ANKRD31: variants seen among roughly 807,000 people sequenced by gnomAD.
The protein encoded by ANKRD31 is ankyrin repeat domain 31.
ANKRD31 carries 147 observed loss-of-function variants against 186.0 expected under a neutral mutation model. The observed-to-expected ratio is 0.79, with a 90% CI of 0.69 to 0.91. The LOEUF is 0.91. Ranked by LOEUF, ANKRD31 falls within the 40% of genes least tolerant of loss-of-function variation. ANKRD31 has a pLI of 0.00. For synonymous variants in ANKRD31, 673 were observed against 736.4 expected (o/e 0.91, Z 1.39); for missense variants, 1,986 against 2,148.8 (o/e 0.92, Z 1.50).
At chr5:75,068,694 A>G (rs1561386629) in intron 25 of ANKRD31, 30 bp from the exon 26 acceptor site, 3 of 1,458,486 alleles carry the variant, frequency 2.1e-6, no homozygotes, top group Non-Finnish European at 2.7e-6. Flanking sequence ...CAAATTAAAA[A>G]CTGCCCTCTG....
chr5:75,085,771 C>T (rs953700282), intron 23 of ANKRD31, among the ~76,000 whole-genome samples: 5 of 152,144 alleles, frequency 3.3e-5, no homozygotes, highest in Non-Finnish European at 7.3e-5. Context: ...AAAAAAAGTG[C>T]CTCCAGCTTA....
At chr5:75,095,334 T>C (rs1032378229) in intron 22 of ANKRD31, among the ~76,000 whole-genome samples, 1 of 151,164 alleles carries the variant, frequency 6.6e-6, no homozygotes, top group African/African-American at 2.4e-5. Context: ...ATTATCCAGG[T>C]GTGGTGGCGG....
intron 22 of ANKRD31, among the ~76,000 whole-genome samples, chr5:75,092,105 C>A (rs1165117238): frequency 6.6e-6 from 1 of 152,192 alleles, no homozygotes; most frequent in East Asian, 1.9e-4. Flanking sequence ...AGAAGAGAAG[C>A]AAGGCTTAGA....
At chr5:75,153,531 G>T (rs1751972365) in intron 12 of ANKRD31, among the ~76,000 whole-genome samples, 1 of 151,990 alleles carries the variant, frequency 6.6e-6, no homozygotes, top group African/African-American at 2.4e-5. Context: ...GAGTAATGGT[G>T]GTAGAAAGTA....
chr5:75,077,838 T>G (rs188256939), intron 25 of ANKRD31, among the ~76,000 whole-genome samples: 1 of 140,890 alleles, frequency 7.1e-6, no homozygotes, highest in Non-Finnish European at 1.5e-5. Flanking sequence ...GGCAGGAGAG[T>G]GGCATGAACC....
intron 5 of ANKRD31, among the ~76,000 whole-genome samples, chr5:75,204,497 T>C (rs1295097231): frequency 6.6e-6 from 1 of 152,262 alleles, no homozygotes; most frequent in Non-Finnish European, 1.5e-5. Flanking sequence ...CAAAAGCTTT[T>C]CTCTTGTCAT....
chr5:75,091,555 G>C (rs1745922653), intron 22 of ANKRD31, among the ~76,000 whole-genome samples, 154 bp from the exon 23 acceptor site: 1 of 152,050 alleles, frequency 6.6e-6, no homozygotes, highest in Non-Finnish European at 1.5e-5. Flanking sequence ...ATGGTCATAA[G>C]GGCATGCAGC....
intron 22 of ANKRD31, among the ~76,000 whole-genome samples, chr5:75,098,936 T>C (rs1199920317): frequency 2.0e-5 from 3 of 152,212 alleles, no homozygotes; most frequent in Admixed American, 2.0e-4. Context: ...TTCTCCTGCC[T>C]GATTGCCCTG....
At chr5:75,231,970 A>G (rs1439752966) in intron 1 of ANKRD31, among the ~76,000 whole-genome samples, 2 of 151,520 alleles carry the variant, frequency 1.3e-5, no homozygotes, top group African/African-American at 4.8e-5. Context: ...AGTTCTCAGC[A>G]TCAGAAAAGT....
intron 12 of ANKRD31, among the ~76,000 whole-genome samples, chr5:75,150,296 CAGCAAATATATTTTATATGAGG>C (rs1451243562): frequency 6.6e-6 from 1 of 151,860 alleles, no homozygotes; most frequent in African/African-American, 2.4e-5. Flanking sequence ...GCTAGAAAAG[CAGCAAATATATTTTATATGAGG>C]AAAGTTCTTT....
intron 1 of ANKRD31, among the ~76,000 whole-genome samples, chr5:75,234,492 C>T (rs1366381701): frequency 6.6e-6 from 1 of 152,204 alleles, no homozygotes; most frequent in African/African-American, 2.4e-5. Context: ...TGCACTATTG[C>T]ATTCCAGACT....
chr5:75,177,911 A>C (rs1753944248), intron 10 of ANKRD31, among the ~76,000 whole-genome samples: 1 of 152,216 alleles, frequency 6.6e-6, no homozygotes, highest in Admixed American at 6.5e-5. Context: ...AATGGGCTAA[A>C]TGCTCCAATT....
At chr5:75,076,489 C>G (rs1405864606) in intron 25 of ANKRD31, among the ~76,000 whole-genome samples, 1 of 152,202 alleles carries the variant, frequency 6.6e-6, no homozygotes, top group East Asian at 1.9e-4. Flanking sequence ...CATGCGATCT[C>G]TGGGCATGCC....
At chr5:75,220,691 G>A (rs560162125) in intron 3 of ANKRD31, among the ~76,000 whole-genome samples, 3 of 149,586 alleles carry the variant, frequency 2.0e-5, no homozygotes, top group Non-Finnish European at 4.4e-5. Flanking sequence ...CTTTACACAA[G>A]AAGACATATA....
chr5:75,133,469 T>G (rs981425399), intron 17 of ANKRD31, among the ~76,000 whole-genome samples: 1 of 152,154 alleles, frequency 6.6e-6, no homozygotes, highest in African/African-American at 2.4e-5. Context: ...CTAACTATCA[T>G]AAATATATAT....
chr5:75,199,298 A>G (rs1755662506), intron 6 of ANKRD31, among the ~76,000 whole-genome samples: 1 of 152,192 alleles, frequency 6.6e-6, no homozygotes, highest in Non-Finnish European at 1.5e-5. Context: ...GATTCTCCAT[A>G]GCACCAAGTA....
Position 75,188,599 on chromosome 5 carries a change from GT to G in ANKRD31, c.1457del (p.Asn486ThrfsTer7), listed in dbSNP as rs1754894777. On this transcript the variant is annotated frameshift_variant, in exon 10 of 26. Transcript: ENST00000506364. LOFTEE classifies it high-confidence loss of function. ...KISLHSINRRNIFGENLVYKA... is the reference protein window; with the variant it reads ...KISLHSINRRXIFGENLVYKA... ...TATATACTAAGTTCTCTCCAAAAATGTTTCTCCGGTTAATGCTATGAAGAGA... is the reference window on the plus strand; with the variant it reads ...TATATACTAAGTTCTCTCCAAAAATGTTCTCCGGTTAATGCTATGAAGAGA... The G allele has an allele frequency of 6.5e-7, 1 of 1,535,376 alleles. No homozygotes were observed. The highest frequency in any genetic ancestry group is 1.4e-5 in the African/African-American group (1 of 72,874).
chr5:75,188,820 A>C (rs1754910982), intron 9 of ANKRD31, among the ~76,000 whole-genome samples, 172 bp from the exon 10 acceptor site: 1 of 152,172 alleles, frequency 6.6e-6, no homozygotes. Context: ...CCATTAACCC[A>C]ACTATAATAT....
At chr5:75,198,014 A>G (rs1755581684) in intron 6 of ANKRD31, among the ~76,000 whole-genome samples, 1 of 152,176 alleles carries the variant, frequency 6.6e-6, no homozygotes, top group Non-Finnish European at 1.5e-5. Context: ...CCTCCTCCTG[A>G]ACCAAGAAGA....
Sources: gnomAD v4.1 joint callset for allele counts (sites outside exome capture counted in the v4.1 genomes callset) on GRCh38, gnomAD v4.1.1 for gene constraint, MANE v1.5 for transcripts, NCBI Gene and HGNC (gene_info 2026-07-23, HGNC 2026-07-21) for gene names.